Variants in RGS6 observed in about 807,000 individuals in gnomAD.
RGS6 encodes regulator of G protein signaling 6.
In RGS6, 30 loss-of-function variants were observed where a neutral mutation model predicts 78.5. The observed-to-expected ratio is 0.38, with a 90% CI of 0.29 to 0.52. The LOEUF is 0.52. RGS6 is among the 20% of genes least tolerant of loss of function. RGS6 has a pLI of 0.85. For missense variants in RGS6, 495 were observed against 609.7 expected (o/e 0.81, Z 1.98); for synonymous variants, 206 against 206.0 (o/e 1.00, Z 0.00).
intron 2 of RGS6, among the ~76,000 whole-genome samples, chr14:72,171,483 G>A (rs573043960): frequency 8.5e-5 from 13 of 152,298 alleles, no homozygotes; most frequent in South Asian, 4.1e-4. Context: ...CCCTCAAGGC[G>A]TTGAAAACAT....
At chr14:72,262,255 G>A (rs1032988737) in intron 2 of RGS6, among the ~76,000 whole-genome samples, 1 of 152,200 alleles carries the variant, frequency 6.6e-6, no homozygotes, top group Non-Finnish European at 1.5e-5. Flanking sequence ...TTTGGCTGTC[G>A]TAAGCAAGTA....
At chr14:72,167,529 C>A (rs1162161983) in intron 2 of RGS6, among the ~76,000 whole-genome samples, 1 of 152,198 alleles carries the variant, frequency 6.6e-6, no homozygotes, top group Non-Finnish European at 1.5e-5. Context: ...TCCATACCAT[C>A]TGAACATTTA....
At position 72,227,153 on chromosome 14, in the gene RGS6, T is replaced by C. The variant is rs1216806367; in HGVS notation, c.85-124942T>C. On this transcript the variant is annotated intron_variant, in intron 2 of 17. Transcript: ENST00000553525. ...TGTTGTATGTGCATTAATATAGGAA[T>C]GTGTGTGTTCAATCAAATGGACATA... 2.0e-5 allele frequency among the ~76,000 whole-genome samples: 3 copies of C among 152,242 alleles called. No homozygotes were observed. The South Asian group carries it at 6.2e-4, about 32-fold the overall frequency.
intron 3 of RGS6, among the ~76,000 whole-genome samples, chr14:72,402,790 G>GTTGT (rs2092563194): frequency 1.3e-5 from 1 of 75,792 alleles, no homozygotes; most frequent in Non-Finnish European, 2.3e-5. Context: ...TGTTTTTTTG[G>GTTGT]TTTTTTTTTT....
At chr14:72,379,196 G>C (rs1032995712) in intron 3 of RGS6, among the ~76,000 whole-genome samples, 1 of 151,998 alleles carries the variant, frequency 6.6e-6, no homozygotes, top group Non-Finnish European at 1.5e-5. Context: ...CATAATAAAG[G>C]CCACATATGA....
At chr14:72,414,327 G>A (rs951334944) in intron 3 of RGS6, among the ~76,000 whole-genome samples, 10 of 152,008 alleles carry the variant, frequency 6.6e-5, no homozygotes, top group Non-Finnish European at 1.2e-4. Context: ...GTCTTTCATT[G>A]ATGATATCCT....
At chr14:72,312,744 A>G (rs954627082) in intron 2 of RGS6, among the ~76,000 whole-genome samples, 2 of 152,186 alleles carry the variant, frequency 1.3e-5, no homozygotes, top group African/African-American at 4.8e-5. Context: ...CCAGTGTCAA[A>G]GGGCTTAGAA....
chr14:72,237,221 A>G (rs2051333428), intron 2 of RGS6, among the ~76,000 whole-genome samples: 1 of 152,240 alleles, frequency 6.6e-6, no homozygotes, highest in Non-Finnish European at 1.5e-5. Flanking sequence ...CATTGTGTGA[A>G]TATGCCACAA....
chr14:71,923,197 T>C, the RGS6 span, among the ~76,000 whole-genome samples: 2 of 152,192 alleles, frequency 1.3e-5, no homozygotes, highest in Non-Finnish European at 2.9e-5. Flanking sequence ...GATTAGGTGT[T>C]CTCTGAGTCA....
rs570847866 is a variant in RGS6 at position 72,435,548 on chromosome 14, G to T, written c.185-18980G>T. 2.0e-5 allele frequency among the ~76,000 whole-genome samples: 3 copies of T among 152,240 alleles called. No homozygotes were observed. In the South Asian group the frequency reaches 6.2e-4, roughly 32 times the overall value. The stretch of plus-strand genomic sequence containing the variant: ...AAAACAACACACATTTATCTTATAG[G>T]TCTGGAGGCCAGAAATCTGAGATGG... On this transcript the variant is annotated intron_variant, in intron 3 of 17. Transcript: ENST00000553525.
At chr14:72,259,783 C>T (rs558298576) in intron 2 of RGS6, among the ~76,000 whole-genome samples, 13 of 151,918 alleles carry the variant, frequency 8.6e-5, no homozygotes, top group African/African-American at 3.1e-4. Flanking sequence ...CGGTGGCAGG[C>T]GCCTGTAGTC....
chr14:72,611,911 G>C, the RGS6 span, among the ~76,000 whole-genome samples: 7 of 152,190 alleles, frequency 4.6e-5, no homozygotes, highest in East Asian at 1.4e-3. Flanking sequence ...GTGATGGCGC[G>C]ATACTTGACC....
chr14:72,125,637 T>TG (rs2096171946), intron 2 of RGS6, among the ~76,000 whole-genome samples: 1 of 151,212 alleles, frequency 6.6e-6, no homozygotes, highest in Non-Finnish European at 1.5e-5. Context: ...TGGTCTATTG[T>TG]GGGGGGAAAG....
chr14:72,390,937 A>G lies in RGS6; in HGVS notation c.184+38743A>G, dbSNP rs907178674. Reference sequence around the variant, plus strand: ...TTTCTGGCTTCTTCCTTTTGGAGCCACAGGTAAGCACCAGTCTAGAACCTT... The same window carrying G: ...TTTCTGGCTTCTTCCTTTTGGAGCCGCAGGTAAGCACCAGTCTAGAACCTT... On this transcript the variant is annotated intron_variant, in intron 3 of 17. Transcript: ENST00000553525. Among the ~76,000 whole-genome samples the G allele has an allele frequency of 4.6e-5, 7 of 152,288 alleles. No individual in the cohort carries two copies. The South Asian group carries it at 8.3e-4, about 18-fold the overall frequency.
At position 72,022,404 on chromosome 14, in the gene RGS6, T is replaced by G. The variant is rs546908670; in HGVS notation, c.84+57529T>G. ...ATTTGTTTTTCTTTTACAAAGTTTT[T>G]TTTCAAGACTAGTCAAGTACACTAG... On this transcript the variant is annotated intron_variant, in intron 2 of 17. Transcript: ENST00000553525. The G allele has an allele frequency of 4.6e-5, 7 of 152,352 alleles. No homozygotes were observed. The South Asian group carries it at 1.2e-3, about 27-fold the overall frequency. 9.4% of individuals were successfully genotyped at this position (152,352 alleles called of 1,614,324 possible). A position where few individuals can be genotyped will look rare whatever the true frequency, so the allele number is the denominator to read the frequency against.
the RGS6 span, among the ~76,000 whole-genome samples, chr14:71,876,192 G>C: frequency 6.6e-6 from 1 of 152,074 alleles, no homozygotes; most frequent in Non-Finnish European, 1.5e-5. Flanking sequence ...TCAATTCCTG[G>C]ATATCCTTGT....
At chr14:72,483,117 A>G (rs2096414886) in intron 12 of RGS6, among the ~76,000 whole-genome samples, 1 of 152,054 alleles carries the variant, frequency 6.6e-6, no homozygotes, top group South Asian at 2.1e-4. Context: ...TTTTTTATTC[A>G]TCTAAGCCTT....
intron 3 of RGS6, among the ~76,000 whole-genome samples, chr14:72,385,030 G>C (rs1204134864): frequency 6.6e-6 from 1 of 152,136 alleles, no homozygotes; most frequent in African/African-American, 2.4e-5. Context: ...GATTACAGGC[G>C]TGAGCCATGG....
the RGS6 span, among the ~76,000 whole-genome samples, chr14:71,899,560 C>T: frequency 6.6e-6 from 1 of 152,174 alleles, no homozygotes; most frequent in East Asian, 1.9e-4. Flanking sequence ...CAGGTAATTT[C>T]ATTTTGCCTT....
Sources: allele counts gnomAD v4.1 joint callset (sites outside exome capture counted in the v4.1 genomes callset), GRCh38; gene constraint gnomAD v4.1.1; transcripts MANE v1.5; gene names NCBI Gene and HGNC (gene_info 2026-07-23, HGNC 2026-07-21).